PRKG1: variants seen among roughly 807,000 people sequenced by gnomAD.
The protein encoded by PRKG1 is cGMP-dependent protein kinase 1.
In PRKG1, 35 loss-of-function variants were observed where a neutral mutation model predicts 88.1. The observed-to-expected ratio is 0.40, with a 90% CI of 0.30 to 0.53. The LOEUF (loss-of-function observed/expected upper bound fraction) is 0.53, where lower values mean the gene tolerates loss of function less well. PRKG1 is among the 20% of genes least tolerant of loss of function. The pLI is 0.59. For synonymous variants in PRKG1, 303 were observed against 292.5 expected, an observed-to-expected ratio of 1.04 and a Z score of -0.37; for missense variants, 540 against 839.8, an observed-to-expected ratio of 0.64 and a Z score of 4.41.
At chr10:52,287,961 A>C (rs1284341285) in intron 14 of PRKG1, among the ~76,000 whole-genome samples, 1 of 152,176 alleles carries the variant, frequency 6.6e-6, no homozygotes, top group African/African-American at 2.4e-5. Context: ...GAAGACAGAC[A>C]TAAAACAATC....
chr10:51,704,286 A>G (rs1433292153), intron 3 of PRKG1, among the ~76,000 whole-genome samples: 1 of 143,808 alleles, frequency 7.0e-6, no homozygotes, highest in African/African-American at 2.9e-5. Context: ...TTTTGTTTTC[A>G]CCTCTGTATC....
chr10:51,249,815 T>C lies in PRKG1; in HGVS notation c.478+96485T>C, dbSNP rs555539757. ...TGAACATGACAAACACTACTATCAT[T>C]GTGAAGTGTGCATTCTAATAGCCGG... On this transcript the variant is annotated intron_variant, in intron 2 of 17. Coordinates refer to ENST00000373980, the MANE Select transcript of PRKG1 (RefSeq NM_006258.4). Among the ~76,000 whole-genome samples, 12 of 151,944 alleles carry C rather than the reference T, an allele frequency of 7.9e-5. 1 individual carries two copies. The South Asian group carries it at 2.3e-3, about 29-fold the overall frequency.
intron 3 of PRKG1, among the ~76,000 whole-genome samples, chr10:51,568,995 C>A (rs916494052): frequency 2.6e-5 from 4 of 151,930 alleles, no homozygotes; most frequent in Non-Finnish European, 5.9e-5. Flanking sequence ...TATCTGTAGT[C>A]AAGCACATAA....
chr10:51,410,061 C>T (rs1838036342), intron 2 of PRKG1, among the ~76,000 whole-genome samples: 1 of 151,724 alleles, frequency 6.6e-6, no homozygotes, highest in Admixed American at 6.6e-5. Context: ...GCAGCTTGGA[C>T]CTGTTGCAGA....
At chr10:51,109,430 A>G (rs1844925916) in intron 1 of PRKG1, among the ~76,000 whole-genome samples, 1 of 152,092 alleles carries the variant, frequency 6.6e-6, no homozygotes, top group South Asian at 2.1e-4. Flanking sequence ...TGCCCCCCCA[A>G]CACATATATA....
At chr10:51,420,773 T>A (rs544998704) in intron 2 of PRKG1, among the ~76,000 whole-genome samples, 15 of 152,330 alleles carry the variant, frequency 9.8e-5, no homozygotes, top group Middle Eastern at 3.4e-3. Flanking sequence ...CTCACAGTTC[T>A]GCAGGCTGTG....
intron 2 of PRKG1, among the ~76,000 whole-genome samples, chr10:51,246,496 A>G (rs1207506225): frequency 6.6e-6 from 1 of 151,846 alleles, no homozygotes; most frequent in Non-Finnish European, 1.5e-5. Context: ...GCTGCACTGC[A>G]ATAGCAGAGT....
Position 51,858,287 on chromosome 10 carries a change from T to TATA in PRKG1, c.699-49220_699-49219insATA, listed in dbSNP as rs1397282555. Among the ~76,000 whole-genome samples, 10 of 14,720 alleles carry TATA rather than the reference T, an allele frequency of 6.8e-4. 1 individual carries two copies. Among genetic ancestry groups the TATA allele is most frequent in the South Asian group, 3.0e-3 (1 of 328 alleles). 9.7% of individuals were successfully genotyped at this position (14,720 alleles called of 152,430 possible). ...TATATAATATTATACATATGTATAA[T>TATA]TATACATATGTATAATATATATATG... On this transcript the variant is annotated intron_variant, in intron 4 of 17. Coordinates refer to ENST00000373980, the MANE Select transcript of PRKG1 (RefSeq NM_006258.4).
chr10:51,778,480 C>T (rs80124631), intron 3 of PRKG1, among the ~76,000 whole-genome samples: 4,170 of 152,234 alleles, frequency 0.027, 174 homozygotes, highest in African/African-American at 0.094. Context: ...ATGCAGGATG[C>T]TGTTTAATGC....
chr10:51,222,934 A>G (rs1193207950), intron 2 of PRKG1, among the ~76,000 whole-genome samples: 1 of 152,122 alleles, frequency 6.6e-6, no homozygotes, highest in African/African-American at 2.4e-5. Context: ...ACATATGTAT[A>G]CAATGTGAAA....
intron 5 of PRKG1, among the ~76,000 whole-genome samples, chr10:51,935,466 G>T (rs1327712344): frequency 1.3e-5 from 2 of 152,102 alleles, no homozygotes; most frequent in Admixed American, 1.3e-4. Context: ...TTCAGTAATT[G>T]CAGGGCTTGA....
rs71459418 is a variant in PRKG1, at chr10:51,410,270, ATGTG to A, written c.479-57435_479-57432del. On this transcript the variant is annotated intron_variant, in intron 2 of 17. Transcript: ENST00000373980. ...TGTGTGTGTGTGTGTATATATATAT[ATGTG>A]TGTGTGTGTGTGTGTGTAGTATTGT... Among the ~76,000 whole-genome samples the A allele has an allele frequency of 2.0e-4, 30 of 146,882 alleles. No homozygotes were observed. The East Asian group carries it at 2.4e-3, about 12-fold the overall frequency.
In PRKG1 at chr10:51,694,643, G is replaced by A. The variant is rs35594874; in HGVS notation, c.593-109942G>A. Reference sequence around the variant, plus strand: ...GCCCAAGAGGATAAGCCTTAAAGAAGCATTAGCAAATCACTGTTTCACCCT... The same window carrying A: ...GCCCAAGAGGATAAGCCTTAAAGAAACATTAGCAAATCACTGTTTCACCCT... On this transcript the variant is annotated intron_variant, in intron 3 of 17. Transcript: ENST00000373980. Among the ~76,000 whole-genome samples the A allele has an allele frequency of 9.5e-3, 1,444 of 152,274 alleles. 14 individuals carry two copies. The highest frequency in any genetic ancestry group is 0.016 in the Non-Finnish European group (1,059 of 68,016).
chr10:51,467,895 A>T, intron 3 of PRKG1, 59 bp downstream of exon 3: 1 of 1,381,798 alleles, frequency 7.2e-7, no homozygotes, highest in Non-Finnish European at 1.0e-6. Context: ...GGCCTTTGAG[A>T]TGTTGTTTAA....
chr10:51,974,115 T>C (rs1369822316), intron 5 of PRKG1, among the ~76,000 whole-genome samples: 1 of 152,130 alleles, frequency 6.6e-6, no homozygotes, highest in Non-Finnish European at 1.5e-5. Flanking sequence ...AAATATTTAC[T>C]ATCTGGTCAT....
chr10:51,208,314 A>T (rs1838116948), intron 2 of PRKG1, among the ~76,000 whole-genome samples: 1 of 152,210 alleles, frequency 6.6e-6, no homozygotes, highest in Non-Finnish European at 1.5e-5. Context: ...TGGTAATTCC[A>T]ATATGGTAAA....
intron 2 of PRKG1, among the ~76,000 whole-genome samples, chr10:51,300,523 C>A (rs1206685961): frequency 6.6e-6 from 1 of 152,194 alleles, no homozygotes. Context: ...TTATTTCTCT[C>A]TGCAAAATTA....
intron 2 of PRKG1, among the ~76,000 whole-genome samples, chr10:51,158,837 C>A (rs927882912): frequency 2.0e-5 from 3 of 151,954 alleles, no homozygotes; most frequent in African/African-American, 7.2e-5. Context: ...TAAGAAGGAA[C>A]AATTCTTTCA....
At chr10:51,196,273 GAGAGGGA>G (rs1837763013) in intron 2 of PRKG1, among the ~76,000 whole-genome samples, 1 of 152,158 alleles carries the variant, frequency 6.6e-6, no homozygotes, top group Non-Finnish European at 1.5e-5. Flanking sequence ...ATGTGTGGGG[GAGAGGGA>G]AGAATTGCAT....
Sources: allele counts gnomAD v4.1 joint callset (sites outside exome capture counted in the v4.1 genomes callset), GRCh38; gene constraint gnomAD v4.1.1; transcripts MANE v1.5; gene names NCBI Gene and HGNC (gene_info 2026-07-23, HGNC 2026-07-21).